PARK7: variants seen among roughly 807,000 people sequenced by gnomAD.
The protein encoded by PARK7 is Parkinsonism associated deglycase.
A neutral mutation model predicts 20.5 loss-of-function variants in PARK7; 14 were observed. The ratio of observed to expected loss-of-function variants is 0.68; its 90% CI spans 0.45 to 1.07. The LOEUF (loss-of-function observed/expected upper bound fraction) is 1.07. Among genes scored for constraint, PARK7 ranks in the 50% least tolerant of loss-of-function variants. The probability of loss-of-function intolerance (pLI) is 0.00; values close to 1 mark genes in which losing one functional copy is unlikely to be tolerated. For synonymous variants in PARK7, 98 were observed against 84.3 expected (o/e 1.16, Z -0.89); for missense variants, 234 against 238.1 (o/e 0.98, Z 0.11).
intron 5 of PARK7, 108 bp from the exon 6 acceptor site, chr1:7,977,544 C>A: frequency 3.1e-6 from 3 of 963,314 alleles, no homozygotes; most frequent in Non-Finnish European, 4.8e-6. Flanking sequence ...CTAGGCCTCC[C>A]CAATTGCTGG....
At chr1:7,971,120 C>T in intron 5 of PARK7, 157 bp downstream of exon 5, 3 of 766,212 alleles carry the variant, frequency 3.9e-6, no homozygotes, top group Middle Eastern at 2.3e-4. Flanking sequence ...GGTGTCATTT[C>T]AGAGATGAGG....
chr1:7,974,016 A>T (rs1215403498), intron 5 of PARK7, among the ~76,000 whole-genome samples: 1 of 151,842 alleles, frequency 6.6e-6, no homozygotes, highest in African/African-American at 2.4e-5. Context: ...AATCAACATT[A>T]AAAAATAAAC....
chr1:7,981,633 G>A (rs1474886699), intron 6 of PARK7, among the ~76,000 whole-genome samples: 3 of 151,608 alleles, frequency 2.0e-5, no homozygotes, highest in Middle Eastern at 3.4e-3. Flanking sequence ...CAGGCTTGTC[G>A]TTGCTGACCT....
chr1:7,962,815 G>T lies in PARK7; in HGVS notation c.30G>T (p.Leu10=), dbSNP rs1290094897. The change falls in exon 2 of 7, where the codon CTG becomes CTT. Residue 10 remains leucine (L), a synonymous_variant. Transcript: ENST00000338639. MASKRALVI[L]AKGAEEMETV... ...CTTCCAAAAGAGCTCTGGTCATCCTGGCTAAAGGAGCAGAGGAAATGGAGA... is the reference window on the plus strand; with the variant it reads ...CTTCCAAAAGAGCTCTGGTCATCCTTGCTAAAGGAGCAGAGGAAATGGAGA... The T allele has an allele frequency of 6.2e-7, 1 of 1,611,822 alleles. No individual in the cohort carries two copies. The highest frequency in any genetic ancestry group is 1.1e-5 in the South Asian group (1 of 91,014).
chr1:7,983,232 T>C (rs1237471462), intron 6 of PARK7, among the ~76,000 whole-genome samples: 1 of 152,204 alleles, frequency 6.6e-6, no homozygotes, highest in Non-Finnish European at 1.5e-5. Flanking sequence ...CTCAGGGTGT[T>C]CTCAGGTCCG....
At chr1:7,969,256 T>G in intron 3 of PARK7, 89 bp from the exon 4 acceptor site, 1 of 1,088,098 alleles carries the variant, frequency 9.2e-7, no homozygotes, top group South Asian at 1.4e-5. Context: ...CTTCCCACAT[T>G]TAAAATAGGA....
chr1:7,963,612 T>G (rs900139723), intron 2 of PARK7, among the ~76,000 whole-genome samples: 1 of 151,774 alleles, frequency 6.6e-6, no homozygotes, highest in African/African-American at 2.4e-5. Flanking sequence ...TGGCTTCAAG[T>G]GACCCGCCCG....
chr1:7,981,185 C>T (rs939299404), intron 6 of PARK7, among the ~76,000 whole-genome samples: 1 of 152,176 alleles, frequency 6.6e-6, no homozygotes, highest in Non-Finnish European at 1.5e-5. Flanking sequence ...CTTCCCCACT[C>T]ACTGTGGGAA....
intron 3 of PARK7, among the ~76,000 whole-genome samples, chr1:7,967,874 T>G (rs1268087863): frequency 6.6e-6 from 1 of 152,216 alleles, no homozygotes; most frequent in Non-Finnish European, 1.5e-5. Flanking sequence ...GAGCCACGAT[T>G]GCATCACTGC....
intron 6 of PARK7, among the ~76,000 whole-genome samples, chr1:7,979,818 T>G (rs1640672342): frequency 6.6e-6 from 1 of 152,164 alleles, no homozygotes; most frequent in African/African-American, 2.4e-5. Flanking sequence ...TTTATTTTAG[T>G]TGCTAGAAAG....
intron 6 of PARK7, among the ~76,000 whole-genome samples, chr1:7,978,983 A>G (rs1329298334): frequency 6.6e-6 from 1 of 152,118 alleles, no homozygotes; most frequent in Non-Finnish European, 1.5e-5. Flanking sequence ...CTTAATGTTA[A>G]TATCTTATGT....
intron 3 of PARK7, among the ~76,000 whole-genome samples, chr1:7,967,931 T>G: frequency 6.6e-6 from 1 of 151,574 alleles, no homozygotes; most frequent in African/African-American, 2.4e-5. Flanking sequence ...TAAAAAAATT[T>G]TATAGGTTGC....
At chr1:7,967,561 C>T (rs1177116850) in intron 3 of PARK7, among the ~76,000 whole-genome samples, 2 of 152,136 alleles carry the variant, frequency 1.3e-5, no homozygotes, top group African/African-American at 4.8e-5. Flanking sequence ...ATACTTTACA[C>T]ATTTTCTTTT....
chr1:7,962,674 C>T (rs1640233229), intron 1 of PARK7, 89 bp from the exon 2 acceptor site: 1 of 796,940 alleles, frequency 1.3e-6, no homozygotes, highest in Non-Finnish European at 2.0e-6. Flanking sequence ...ACTTACTCTG[C>T]TTGAAAATGC....
intron 6 of PARK7, among the ~76,000 whole-genome samples, chr1:7,978,755 A>G (rs1578102756): frequency 6.6e-6 from 1 of 151,196 alleles, no homozygotes; most frequent in Non-Finnish European, 1.5e-5. Context: ...CTGAGGTGGG[A>G]TGATCGCTTT....
intron 4 of PARK7, 48 bp downstream of exon 4, chr1:7,969,452 A>T (rs776103438): frequency 1.8e-5 from 22 of 1,242,060 alleles, no homozygotes; most frequent in Non-Finnish European, 2.5e-5. Flanking sequence ...GGGGGGGGGA[A>T]AAACTAAAGA....
At chr1:7,971,020 A>C in intron 5 of PARK7, 57 bp downstream of exon 5, 1 of 1,569,830 alleles carries the variant, frequency 6.4e-7, no homozygotes, top group Non-Finnish European at 8.8e-7. Context: ...GTAGCCTTTC[A>C]TTCGATGGTT....
Position 7,985,148 on chromosome 1 carries a change from G to T in PARK7, c.*94G>T. On this transcript the variant is annotated 3_prime_UTR_variant, in exon 7 of 7. Transcript: ENST00000338639. ...AAACAAAACAGTGGTAGGTTAATGT[G>T]TTCAGAAGTCGCTGTCCTTACTACT... 1 of 1,512,712 alleles carries T rather than the reference G, an allele frequency of 6.6e-7. No homozygotes were observed. The highest frequency in any genetic ancestry group is 8.9e-7 in the Non-Finnish European group (1 of 1,118,348). 93.7% of individuals were successfully genotyped at this position (1,512,712 alleles called of 1,614,324 possible).
intron 6 of PARK7, among the ~76,000 whole-genome samples, chr1:7,982,126 C>T (rs941527759): frequency 6.6e-6 from 1 of 151,412 alleles, no homozygotes; most frequent in East Asian, 1.9e-4. Flanking sequence ...AGGTACTGGC[C>T]GCCAGGCCCA....
Sources: allele counts gnomAD v4.1 joint callset (sites outside exome capture counted in the v4.1 genomes callset), GRCh38; gene constraint gnomAD v4.1.1; transcripts MANE v1.5; gene names NCBI Gene and HGNC (gene_info 2026-07-23, HGNC 2026-07-21).